Variants in SLC16A2 observed in about 807,000 individuals in gnomAD.
The protein encoded by SLC16A2 is solute carrier family 16 member 2.
In SLC16A2, 3 loss-of-function variants were observed where a neutral mutation model predicts 27.2. That is an observed-to-expected ratio of 0.11 (90% CI 0.05 to 0.28). The LOEUF (loss-of-function observed/expected upper bound fraction) is 0.28. Among genes scored for constraint, SLC16A2 ranks in the 10% least tolerant of loss-of-function variants. The pLI, the probability that SLC16A2 is intolerant of heterozygous loss-of-function variation, is 1.00. For missense variants in SLC16A2, 295 were observed against 458.5 expected, an observed-to-expected ratio of 0.64 and a Z score of 3.26; for synonymous variants, 202 against 187.8, an observed-to-expected ratio of 1.08 and a Z score of -0.62.
At chrX:74,426,225 T>C (rs1055255277) in intron 1 of SLC16A2, among the ~76,000 whole-genome samples, 1 of 112,269 alleles carries the variant, frequency 8.9e-6, no homozygotes, top group African/African-American at 3.2e-5. Flanking sequence ...GGCTCTTGAC[T>C]ACTGTCCAGC....
intron 1 of SLC16A2, among the ~76,000 whole-genome samples, chrX:74,509,208 C>T (rs1930185858): frequency 1.8e-5 from 2 of 110,989 alleles, no homozygotes; most frequent in South Asian, 7.7e-4. Context: ...AAGTGGTCCA[C>T]CCGCCTCGGC....
Position 74,511,168 on chromosome X carries a change from T to G in SLC16A2, c.431-9822T>G, listed in dbSNP as rs192124264. Among the ~76,000 whole-genome samples, 1,074 of 110,956 alleles carry G rather than the reference T, an allele frequency of 9.7e-3. 12 individuals are homozygous for G. The highest frequency in any genetic ancestry group is 0.032 in the African/African-American group (995 of 30,664). On this transcript the variant is annotated intron_variant, in intron 1 of 5. Coordinates refer to ENST00000587091, the MANE Select transcript of SLC16A2 (RefSeq NM_006517.5). ...GGAGAGATAAAAATGAGATTCGTGG[T>G]TTTTTTTATTTTATTTATTTTATTT...
intron 1 of SLC16A2, among the ~76,000 whole-genome samples, chrX:74,435,413 T>G (rs1364269739): frequency 9.4e-6 from 1 of 106,789 alleles, no homozygotes; most frequent in African/African-American, 3.4e-5. Flanking sequence ...TTTAGCAGAT[T>G]AAGCCCAGGA....
intron 1 of SLC16A2, among the ~76,000 whole-genome samples, chrX:74,475,579 G>A (rs1386777738): frequency 9.0e-6 from 1 of 111,573 alleles, no homozygotes; most frequent in Non-Finnish European, 1.9e-5. Flanking sequence ...GAATGGTATT[G>A]CCTAGGTTTT....
chrX:74,516,924 A>G (rs1930325515), intron 1 of SLC16A2, among the ~76,000 whole-genome samples: 1 of 112,123 alleles, frequency 8.9e-6, no homozygotes, highest in South Asian at 3.7e-4. Context: ...CTGGGTAAAA[A>G]AAAGTCAATT....
chrX:74,505,387 T>C (rs1930106619), intron 1 of SLC16A2, among the ~76,000 whole-genome samples: 1 of 112,207 alleles, frequency 8.9e-6, no homozygotes, highest in South Asian at 3.7e-4. Context: ...AAAGGGGCAG[T>C]ATCCTGGAAA....
chrX:74,495,227 A>C (rs763289468), intron 1 of SLC16A2, among the ~76,000 whole-genome samples: 26 of 111,371 alleles, frequency 2.3e-4, no homozygotes, highest in African/African-American at 8.5e-4. Context: ...GTGCACTGCA[A>C]GTACAGGGAA....
In SLC16A2 at chrX:74,521,087, G is replaced by A. The variant is rs752683380; in HGVS notation, c.528G>A (p.Ala176=). The A allele has an allele frequency of 1.1e-5, 13 of 1,210,086 alleles. No homozygotes were observed. The highest frequency in any genetic ancestry group is 3.5e-5 in the African/African-American group (2 of 57,232). The part of the protein sequence containing the change: ...DRLGCRITAT[A]GAAVAFIGLH... ...TGGGCTGCCGAATCACAGCAACCGCGGGGGCTGCCGTTGCTTTCATTGGCC... is the reference window on the plus strand; with the variant it reads ...TGGGCTGCCGAATCACAGCAACCGCAGGGGCTGCCGTTGCTTTCATTGGCC... Residue 176 remains alanine, a synonymous_variant, in exon 2 of 6, where the codon GCG becomes GCA. Transcript: ENST00000587091.
chrX:74,490,074 CA>C (rs60267002), intron 1 of SLC16A2, among the ~76,000 whole-genome samples: 26 of 95,734 alleles, frequency 2.7e-4, no homozygotes, highest in East Asian at 9.7e-4. Context: ...CACTGGCTTG[CA>C]AAAAAAAAAA....
At chrX:74,459,799 A>G (rs1356125765) in intron 1 of SLC16A2, among the ~76,000 whole-genome samples, 1 of 111,620 alleles carries the variant, frequency 9.0e-6, no homozygotes, top group Non-Finnish European at 1.9e-5. Context: ...GATAGAAAAG[A>G]TAAGGAATGT....
chrX:74,444,054 A>G (rs1300688693), intron 1 of SLC16A2, among the ~76,000 whole-genome samples: 1 of 111,656 alleles, frequency 9.0e-6, no homozygotes, highest in Non-Finnish European at 1.9e-5. Flanking sequence ...TGGCTCCAGC[A>G]GAGCACTGCT....
rs1318818656 is a variant in SLC16A2 at position 74,421,551 on chromosome X, C to T, written c.-87C>T. On this transcript the variant is annotated 5_prime_UTR_variant, in exon 1 of 6. Transcript: ENST00000587091. ...CAGCGGCAGCGGCAGCAGCAGCCCT[C>T]CGAGCAGCAGCAGCTGCAGCAGCAG... 9.0e-7 allele frequency: 1 copy of T among 1,110,864 alleles called. No homozygotes were observed. The highest frequency in any genetic ancestry group is 1.2e-6 in the Non-Finnish European group (1 of 817,011). 91.5% of individuals were successfully genotyped at this position (1,110,864 alleles called of 1,213,427 possible).
rs1476409713 is a variant in SLC16A2 at position 74,439,205 on chromosome X, TCTTC to T, written c.430+17150_430+17153del. ...CTTTCTTTTTCTTTCTTTCTTTCTT[TCTTC>T]CTTCCTTCCTTTCTCTCTCTCTCTC... is the stretch of plus-strand genomic sequence containing the variant. On this transcript the variant is annotated intron_variant, in intron 1 of 5. Coordinates refer to ENST00000587091, the MANE Select transcript of SLC16A2 (RefSeq NM_006517.5). 1.6e-4 allele frequency among the ~76,000 whole-genome samples: 17 copies of T among 104,327 alleles called. 1 individual carries two copies. The highest frequency in any genetic ancestry group is 8.5e-4 in the Admixed American group (8 of 9,437). The allele number at this position is 104,327 out of a possible 115,157, so 90.6% of individuals were successfully genotyped here.
intron 1 of SLC16A2, among the ~76,000 whole-genome samples, chrX:74,425,928 A>G (rs978086805): frequency 8.9e-6 from 1 of 111,817 alleles, no homozygotes; most frequent in African/African-American, 3.3e-5. Flanking sequence ...GAAAGGGACA[A>G]TGGTCAGGAA....
chrX:74,492,999 G>T (rs754838919), intron 1 of SLC16A2, among the ~76,000 whole-genome samples: 1 of 111,885 alleles, frequency 8.9e-6, no homozygotes, highest in Non-Finnish European at 1.9e-5. Context: ...ATCCAGCACA[G>T]ACACTCTGTC....
chrX:74,447,749 C>T (rs1480827346), intron 1 of SLC16A2, among the ~76,000 whole-genome samples: 3 of 109,051 alleles, frequency 2.8e-5, no homozygotes, highest in African/African-American at 1.0e-4. Flanking sequence ...AAAGCTGAGG[C>T]GGGTGGATTT....
At chrX:74,463,568 C>T (rs1401626412) in intron 1 of SLC16A2, among the ~76,000 whole-genome samples, 1 of 110,691 alleles carries the variant, frequency 9.0e-6, no homozygotes, top group Admixed American at 9.6e-5. Context: ...ACTTTGTCAC[C>T]CAGGCTGGAG....
chrX:74,422,140 C>G, intron 1 of SLC16A2, 73 bp downstream of exon 1: 1 of 1,048,553 alleles, frequency 9.5e-7, no homozygotes. Context: ...GACCCCATAC[C>G]TCCCGGTCCG....
intron 1 of SLC16A2, among the ~76,000 whole-genome samples, chrX:74,433,929 C>T (rs969139334): frequency 1.8e-5 from 2 of 111,759 alleles, no homozygotes; most frequent in Non-Finnish European, 3.8e-5. Flanking sequence ...ATAATAATAC[C>T]ATCTGTTATT....
Sources: allele counts gnomAD v4.1 joint callset (sites outside exome capture counted in the v4.1 genomes callset), GRCh38; gene constraint gnomAD v4.1.1; transcripts MANE v1.5; gene names NCBI Gene and HGNC (gene_info 2026-07-23, HGNC 2026-07-21).